Variants in USP12 observed in about 807,000 individuals in gnomAD.
USP12 encodes the protein ubiquitin carboxyl-terminal hydrolase 12.
USP12 carries 19 observed loss-of-function variants against 45.5 expected under a neutral mutation model. That is an observed-to-expected ratio of 0.42 (90% CI 0.29 to 0.61). The LOEUF (loss-of-function observed/expected upper bound fraction) is 0.61, where lower values mean the gene tolerates loss of function less well. Ranked by LOEUF, USP12 falls within the 20% of genes least tolerant of loss-of-function variation. USP12 has a pLI of 0.22. For missense variants in USP12, 242 were observed against 447.7 expected, an observed-to-expected ratio of 0.54 and a Z score of 4.15; for synonymous variants, 149 against 148.8, an observed-to-expected ratio of 1.00 and a Z score of -0.01.
At chr13:27,123,786 C>A (rs1330095989) in intron 1 of USP12, among the ~76,000 whole-genome samples, 1 of 152,158 alleles carries the variant, frequency 6.6e-6, no homozygotes, top group East Asian at 1.9e-4. Context: ...GTCCATTAAA[C>A]CTCTTTTTCT....
At chr13:27,076,761 T>G (rs545707619) in intron 6 of USP12, among the ~76,000 whole-genome samples, 1 of 152,192 alleles carries the variant, frequency 6.6e-6, no homozygotes, top group Non-Finnish European at 1.5e-5. Context: ...AAAAAATCAT[T>G]TTATAACATT....
chr13:27,126,731 A>C lies in USP12; in HGVS notation c.49-10135T>G, dbSNP rs989233083. Among the ~76,000 whole-genome samples, 15 of 152,348 alleles carry C rather than the reference A, an allele frequency of 9.8e-5. No individual in the cohort carries two copies. In the South Asian group the frequency reaches 3.1e-3, roughly 32 times the overall value. On this transcript the variant is annotated intron_variant, in intron 1 of 8. Transcript: ENST00000282344. ...GCAAACCCAAAATGCTACAATTCTA[A>C]AATAGCAGCACTACTGTAGAGTTAC...
chr13:27,163,777 A>G lies in USP12; in HGVS notation c.48+7815T>C, dbSNP rs111740264. On this transcript the variant is annotated intron_variant, in intron 1 of 8. Coordinates refer to ENST00000282344, the MANE Select transcript of USP12 (RefSeq NM_182488.4). ...AGAGCAAGACCTGTCTTAAAAAAAA[A>G]AAAAAAAAGAAAAAAAAAAAAGAAA... 8.9e-3 allele frequency among the ~76,000 whole-genome samples: 1,241 copies of G among 139,906 alleles called. 16 individuals carry two copies. The highest frequency in any genetic ancestry group is 0.026 in the Middle Eastern group (7 of 274). The allele number at this position is 139,906 out of a possible 152,430, so 91.8% of individuals were successfully genotyped here.
intron 6 of USP12, among the ~76,000 whole-genome samples, chr13:27,084,497 GA>G (rs397851869): frequency 0.13 from 13,006 of 98,350 alleles, 579 homozygotes; most frequent in Middle Eastern, 0.22. Context: ...ACAGTGAGAT[GA>G]AAAAAAAAAA....
chr13:27,102,954 A>G (rs538096042), intron 3 of USP12, among the ~76,000 whole-genome samples: 1 of 152,374 alleles, frequency 6.6e-6, no homozygotes, highest in South Asian at 2.1e-4. Context: ...GCTGTACTCT[A>G]TGCAGGAGCA....
At position 27,105,751 on chromosome 13, in the gene USP12, G is replaced by C; in HGVS notation, c.323C>G (p.Thr108Arg). 2 of 1,613,476 alleles carry C rather than the reference G, an allele frequency of 1.2e-6. No individual in the cohort carries two copies. Among genetic ancestry groups the C allele is most frequent in the Non-Finnish European group, 1.7e-6 (2 of 1,179,648 alleles). ...VGVIPPKKFI[T>R]RLRKENELFD... The stretch of plus-strand genomic sequence containing the variant: ...ATTACCATTTTCTTTCCGTAATCTT[G>C]TGATGAACTTCTTAGGGGGTATTAC... Residue 108 changes from threonine to arginine, a missense_variant, in exon 3 of 9, where the codon ACA (threonine) becomes AGA (arginine). By Grantham distance (71) the Thr-to-Arg change is moderately conservative. Coordinates refer to ENST00000282344, the MANE Select transcript of USP12 (RefSeq NM_182488.4).
chr13:27,114,264 G>C (rs1387955107), intron 2 of USP12, among the ~76,000 whole-genome samples: 1 of 152,082 alleles, frequency 6.6e-6, no homozygotes, highest in African/African-American at 2.4e-5. Context: ...AAGTAAGAAA[G>C]ATACACTAAA....
At chr13:27,097,516 TA>T (rs1874646506) in intron 3 of USP12, among the ~76,000 whole-genome samples, 1 of 152,160 alleles carries the variant, frequency 6.6e-6, no homozygotes. Context: ...AAAGTCATTG[TA>T]AAAACAGAAA....
intron 1 of USP12, among the ~76,000 whole-genome samples, chr13:27,128,727 G>A (rs1876356462): frequency 6.6e-6 from 1 of 152,176 alleles, no homozygotes; most frequent in African/African-American, 2.4e-5. Flanking sequence ...TTGCCACCCT[G>A]CGTACCCTTC....
At chr13:27,153,874 CGAA>C (rs1188316637) in intron 1 of USP12, among the ~76,000 whole-genome samples, 1 of 152,122 alleles carries the variant, frequency 6.6e-6, no homozygotes, top group African/African-American at 2.4e-5. Flanking sequence ...ATGAGAAAAA[CGAA>C]GTCTCTAGAA....
At chr13:27,070,026 AAAAGATGACC>A (rs1324223923) in intron 8 of USP12, among the ~76,000 whole-genome samples, 1 of 152,236 alleles carries the variant, frequency 6.6e-6, no homozygotes, top group Non-Finnish European at 1.5e-5. Flanking sequence ...AAAGGCTTAT[AAAAGATGACC>A]AATGCATTTT....
chr13:27,127,135 C>G (rs988681991), intron 1 of USP12, among the ~76,000 whole-genome samples: 10 of 152,218 alleles, frequency 6.6e-5, no homozygotes, highest in Non-Finnish European at 1.5e-4. Flanking sequence ...AGCTTTTGAT[C>G]TGTAAATGTT....
At chr13:27,087,517 C>G (rs1874115800) in intron 6 of USP12, among the ~76,000 whole-genome samples, 1 of 152,164 alleles carries the variant, frequency 6.6e-6, no homozygotes, top group Non-Finnish European at 1.5e-5. Context: ...GAAATAAATG[C>G]AGATGTGAAA....
chr13:27,074,601 T>C (rs1873393513), intron 7 of USP12, among the ~76,000 whole-genome samples: 1 of 152,186 alleles, frequency 6.6e-6, no homozygotes, highest in Non-Finnish European at 1.5e-5. Flanking sequence ...AATACAAGTT[T>C]TGATTATGTG....
At chr13:27,100,576 C>T (rs1874818349) in intron 3 of USP12, among the ~76,000 whole-genome samples, 1 of 152,164 alleles carries the variant, frequency 6.6e-6, no homozygotes. Context: ...CCAACCTTGA[C>T]ATGTCAGTGT....
intron 3 of USP12, among the ~76,000 whole-genome samples, chr13:27,100,718 G>C (rs776008548): frequency 5.9e-5 from 9 of 152,186 alleles, no homozygotes; most frequent in Non-Finnish European, 1.2e-4. Context: ...AAGGCAAGGA[G>C]TGGAAGATAA....
intron 2 of USP12, among the ~76,000 whole-genome samples, chr13:27,108,772 C>T (rs1452488797): frequency 2.0e-5 from 3 of 152,288 alleles, no homozygotes; most frequent in African/African-American, 7.2e-5. Context: ...GCCTGGCCAA[C>T]ATGGTGAAAC....
At chr13:27,150,829 G>A (rs1877532107) in intron 1 of USP12, among the ~76,000 whole-genome samples, 1 of 152,092 alleles carries the variant, frequency 6.6e-6, no homozygotes, top group Admixed American at 6.6e-5. Flanking sequence ...TTTAACAACT[G>A]GCGCTGGGAC....
chr13:27,149,658 T>A lies in USP12; in HGVS notation c.48+21934A>T, dbSNP rs201968995. Among the ~76,000 whole-genome samples, 7 of 152,244 alleles carry A rather than the reference T, an allele frequency of 4.6e-5. No individual in the cohort carries two copies. The East Asian group carries it at 1.3e-3, about 29-fold the overall frequency. Reference sequence around the variant, plus strand: ...GGAGGAGTAGCCAAGGGGTGGTTAATGAATACAAAATTACAGCTCGATAGG... The same window carrying A: ...GGAGGAGTAGCCAAGGGGTGGTTAAAGAATACAAAATTACAGCTCGATAGG... On this transcript the variant is annotated intron_variant, in intron 1 of 8. Transcript: ENST00000282344.
Sources: gnomAD v4.1 joint callset for allele counts (sites outside exome capture counted in the v4.1 genomes callset) on GRCh38, gnomAD v4.1.1 for gene constraint, MANE v1.5 for transcripts, NCBI Gene and HGNC (gene_info 2026-07-23, HGNC 2026-07-21) for gene names.